Variants in CNTNAP5 observed in about 807,000 individuals in gnomAD.
CNTNAP5 encodes the protein contactin-associated protein-like 5.
Under a neutral mutation model 150.2 loss-of-function variants are expected in CNTNAP5, and 72 were observed. The observed-to-expected ratio is 0.48, with a 90% confidence interval of 0.40 to 0.58. The LOEUF (loss-of-function observed/expected upper bound fraction) is 0.58. Among genes scored for constraint, CNTNAP5 ranks in the 20% least tolerant of loss-of-function variants. The pLI is 0.00. For missense variants in CNTNAP5, 1,636 were observed against 1,626.2 expected (o/e 1.01, Z -0.10); for synonymous variants, 672 against 619.8 (o/e 1.08, Z -1.25).
intron 1 of CNTNAP5, among the ~76,000 whole-genome samples, chr2:124,171,145 C>T (rs1001379573): frequency 3.3e-5 from 5 of 152,166 alleles, no homozygotes; most frequent in Non-Finnish European, 7.3e-5. Context: ...AGAGTTACAG[C>T]AGCGATATAA....
At position 124,426,084 on chromosome 2, in the gene CNTNAP5, G is replaced by A. The variant is rs1262915630; in HGVS notation, c.530-8400G>A. On this transcript the variant is annotated intron_variant, in intron 4 of 23. Transcript: ENST00000682447. Reference sequence around the variant, plus strand: ...AAAAACCTAAGCATTATGAGAAGGCGAGTCTTACTGTTAGAGCTAGAATGT... The same window carrying A: ...AAAAACCTAAGCATTATGAGAAGGCAAGTCTTACTGTTAGAGCTAGAATGT... Among the ~76,000 whole-genome samples the A allele has an allele frequency of 1.4e-4, 21 of 152,160 alleles. No homozygotes were observed. The South Asian group carries it at 1.5e-3, about 11-fold the overall frequency.
intron 7 of CNTNAP5, among the ~76,000 whole-genome samples, chr2:124,477,002 G>C (rs1693656212): frequency 6.6e-6 from 1 of 151,952 alleles, no homozygotes; most frequent in Non-Finnish European, 1.5e-5. Context: ...TTTTCTTTTG[G>C]TCCCGAGATT....
intron 1 of CNTNAP5, among the ~76,000 whole-genome samples, chr2:124,183,249 T>G (rs1685250961): frequency 6.6e-6 from 1 of 152,170 alleles, no homozygotes; most frequent in East Asian, 1.9e-4. Flanking sequence ...ATGAAATGTG[T>G]GTCTAAAAAT....
intron 19 of CNTNAP5, among the ~76,000 whole-genome samples, chr2:124,808,943 T>A (rs1682141393): frequency 6.6e-6 from 1 of 152,080 alleles, no homozygotes; most frequent in Non-Finnish European, 1.5e-5. Flanking sequence ...CTAGCCTTAT[T>A]TTGTGGCCCT....
At chr2:124,232,003 CT>C (rs933650048) in intron 2 of CNTNAP5, among the ~76,000 whole-genome samples, 46 of 149,642 alleles carry the variant, frequency 3.1e-4, no homozygotes, top group South Asian at 4.2e-4. Flanking sequence ...TCATCCTTTA[CT>C]TTTTTTTTTC....
At chr2:124,204,525 T>A (rs569579349) in intron 1 of CNTNAP5, among the ~76,000 whole-genome samples, 1 of 152,314 alleles carries the variant, frequency 6.6e-6, no homozygotes, top group South Asian at 2.1e-4. Context: ...ACTGTTTTAG[T>A]CCATTTTCAT....
chr2:124,476,063 A>G (rs946062275), intron 7 of CNTNAP5, among the ~76,000 whole-genome samples: 3 of 152,082 alleles, frequency 2.0e-5, no homozygotes, highest in African/African-American at 7.2e-5. Context: ...TAGACATTAT[A>G]TTATATATGC....
intron 3 of CNTNAP5, among the ~76,000 whole-genome samples, chr2:124,383,310 A>G (rs138111815): frequency 1.5e-4 from 23 of 152,252 alleles, no homozygotes; most frequent in African/African-American, 5.5e-4. Context: ...AGACTTGCAG[A>G]CGGGAAAACC....
At chr2:124,156,864 G>A (rs1420492459) in intron 1 of CNTNAP5, among the ~76,000 whole-genome samples, 2 of 152,176 alleles carry the variant, frequency 1.3e-5, no homozygotes, top group African/African-American at 4.8e-5. Flanking sequence ...TCACCAAGTA[G>A]CATGATCTAG....
intron 14 of CNTNAP5, among the ~76,000 whole-genome samples, chr2:124,753,102 C>T (rs967947779): frequency 6.6e-6 from 1 of 152,042 alleles, no homozygotes; most frequent in African/African-American, 2.4e-5. Flanking sequence ...CTGTTCTTTG[C>T]CTCTCGCCCT....
intron 1 of CNTNAP5, among the ~76,000 whole-genome samples, chr2:124,096,153 T>C (rs1261265972): frequency 2.6e-5 from 4 of 152,226 alleles, no homozygotes; most frequent in African/African-American, 7.2e-5. Flanking sequence ...TATTGCCTCA[T>C]GTAGCTCCAA....
chr2:124,452,194 T>C (rs562953825), intron 6 of CNTNAP5, among the ~76,000 whole-genome samples: 5 of 152,156 alleles, frequency 3.3e-5, no homozygotes, highest in African/African-American at 1.2e-4. Context: ...CTTGGTGCTA[T>C]TGAGGGTGGG....
chr2:124,471,914 C>T (rs1573396517), intron 6 of CNTNAP5, among the ~76,000 whole-genome samples: 1 of 152,078 alleles, frequency 6.6e-6, no homozygotes. Context: ...TGTTTGAAAA[C>T]AGCAATAAAT....
chr2:124,864,188 A>G (rs1459328894), intron 19 of CNTNAP5, among the ~76,000 whole-genome samples: 1 of 152,198 alleles, frequency 6.6e-6, no homozygotes, highest in Non-Finnish European at 1.5e-5. Flanking sequence ...GGCAATTTTT[A>G]AATATAGAAT....
At chr2:124,388,868 G>A (rs564290369) in intron 3 of CNTNAP5, among the ~76,000 whole-genome samples, 1 of 151,894 alleles carries the variant, frequency 6.6e-6, no homozygotes, top group African/African-American at 2.4e-5. Flanking sequence ...TTTAGGAGAG[G>A]CAACGTTTCA....
chr2:124,762,709 T>A (rs562531141), intron 14 of CNTNAP5, among the ~76,000 whole-genome samples: 1 of 152,248 alleles, frequency 6.6e-6, no homozygotes, highest in African/African-American at 2.4e-5. Flanking sequence ...AGCTGTATAC[T>A]TCTAAAACTA....
chr2:124,118,616 T>C (rs1276252077), intron 1 of CNTNAP5, among the ~76,000 whole-genome samples: 1 of 151,978 alleles, frequency 6.6e-6, no homozygotes, highest in Non-Finnish European at 1.5e-5. Flanking sequence ...CAAGGAGAAA[T>C]AGTTCTTTGA....
At chr2:124,436,602 G>C (rs1692536663) in intron 5 of CNTNAP5, among the ~76,000 whole-genome samples, 1 of 152,148 alleles carries the variant, frequency 6.6e-6, no homozygotes, top group Non-Finnish European at 1.5e-5. Flanking sequence ...TATTCAAACA[G>C]TATCTGAATA....
chr2:124,075,998 A>G (rs1319920563), intron 1 of CNTNAP5, among the ~76,000 whole-genome samples: 1 of 152,160 alleles, frequency 6.6e-6, no homozygotes, highest in African/African-American at 2.4e-5. Flanking sequence ...GACTGCCTAT[A>G]CTCTGAAGTA....
Sources: allele counts gnomAD v4.1 joint callset (sites outside exome capture counted in the v4.1 genomes callset), GRCh38; gene constraint gnomAD v4.1.1; transcripts MANE v1.5; gene names NCBI Gene and HGNC (gene_info 2026-07-23, HGNC 2026-07-21).